CPEB3: variants seen among roughly 807,000 people sequenced by gnomAD.
CPEB3 encodes cytoplasmic polyadenylation element-binding protein 3.
Under a neutral mutation model 67.2 loss-of-function variants are expected in CPEB3, and 20 were observed. The observed-to-expected ratio is 0.30, with a 90% CI of 0.21 to 0.43. The LOEUF (loss-of-function observed/expected upper bound fraction) is 0.43. Among genes scored for constraint, CPEB3 ranks in the 20% least tolerant of loss-of-function variants. The probability of loss-of-function intolerance (pLI) is 1.00; values close to 1 mark genes in which losing one functional copy is unlikely to be tolerated. For synonymous variants in CPEB3, 376 were observed against 393.1 expected (o/e 0.96, Z 0.51); for missense variants, 746 against 968.6 (o/e 0.77, Z 3.05).
intron 7 of CPEB3, among the ~76,000 whole-genome samples, chr10:92,094,852 T>G (rs1367945394): frequency 1.3e-5 from 2 of 151,886 alleles, no homozygotes; most frequent in Non-Finnish European, 2.9e-5. Flanking sequence ...GAGATGTATC[T>G]TTTTCTACAC....
chr10:92,229,771 G>GC (rs1313862033), intron 2 of CPEB3, among the ~76,000 whole-genome samples: 1 of 152,226 alleles, frequency 6.6e-6, no homozygotes. Context: ...CGGGCCAGGC[G>GC]CAGTGGCTTA....
intron 2 of CPEB3, among the ~76,000 whole-genome samples, chr10:92,196,931 C>CA (rs111973111): frequency 0.033 from 4,147 of 124,844 alleles, 75 homozygotes; most frequent in African/African-American, 0.069. Context: ...GACCCCATCT[C>CA]AAAAAAAAAA....
intron 7 of CPEB3, among the ~76,000 whole-genome samples, chr10:92,092,548 G>A (rs1590116864): frequency 6.6e-6 from 1 of 152,196 alleles, no homozygotes; most frequent in Non-Finnish European, 1.5e-5. Context: ...GGGAGGCTGA[G>A]GCAGGTGGAT....
chr10:92,236,909 T>C (rs751331552), intron 2 of CPEB3, among the ~76,000 whole-genome samples: 17 of 152,162 alleles, frequency 1.1e-4, no homozygotes, highest in Non-Finnish European at 1.8e-4. Flanking sequence ...TTAGAGTAGA[T>C]CACTGCAGAA....
At chr10:92,196,660 C>T (rs1019436024) in intron 2 of CPEB3, among the ~76,000 whole-genome samples, 3 of 151,364 alleles carry the variant, frequency 2.0e-5, no homozygotes, top group Non-Finnish European at 4.4e-5. Flanking sequence ...CCCAACTACT[C>T]GGGAGGCTGA....
chr10:92,187,327 C>T (rs945258566), intron 3 of CPEB3, among the ~76,000 whole-genome samples: 1 of 152,190 alleles, frequency 6.6e-6, no homozygotes, highest in Non-Finnish European at 1.5e-5. Context: ...TCAACTGACA[C>T]CTGTTCTTTT....
chr10:92,203,762 C>T (rs1849650899), intron 2 of CPEB3, among the ~76,000 whole-genome samples: 1 of 151,950 alleles, frequency 6.6e-6, no homozygotes, highest in Non-Finnish European at 1.5e-5. Context: ...ACTTCAGCTG[C>T]TCCACTGACT....
chr10:92,250,858 A>ATTTTTTTTTTT (rs1211646953), intron 1 of CPEB3, among the ~76,000 whole-genome samples: 9 of 104,120 alleles, frequency 8.6e-5, no homozygotes, highest in Non-Finnish European at 1.1e-4. Context: ...CACACAGTTA[A>ATTTTTTTTTTT]TTTTTTTTTT....
chr10:92,171,039 G>A (rs1287146027), intron 4 of CPEB3, among the ~76,000 whole-genome samples: 1 of 152,310 alleles, frequency 6.6e-6, no homozygotes, highest in East Asian at 1.9e-4. Flanking sequence ...ATGGGTGCTG[G>A]TGTGTTCAGG....
intron 2 of CPEB3, among the ~76,000 whole-genome samples, chr10:92,214,359 C>T (rs759360913): frequency 2.0e-5 from 3 of 152,172 alleles, no homozygotes; most frequent in Non-Finnish European, 4.4e-5. Context: ...AGACATCAAA[C>T]CCACTGGCAA....
chr10:92,128,659 AT>A (rs2133690495), intron 6 of CPEB3, among the ~76,000 whole-genome samples: 1 of 152,340 alleles, frequency 6.6e-6, no homozygotes, highest in South Asian at 2.1e-4. Flanking sequence ...TAAGAAAAAA[AT>A]AAATAGTTTC....
At chr10:92,080,951 T>C (rs944099706) in intron 9 of CPEB3, among the ~76,000 whole-genome samples, 1 of 152,162 alleles carries the variant, frequency 6.6e-6, no homozygotes, top group Non-Finnish European at 1.5e-5. Context: ...CTCCTGAATG[T>C]TTAAATGTTA....
At chr10:92,175,483 G>C (rs1848184942) in intron 4 of CPEB3, among the ~76,000 whole-genome samples, 4 of 152,006 alleles carry the variant, frequency 2.6e-5, no homozygotes, top group Admixed American at 2.6e-4. Flanking sequence ...TCATATGATA[G>C]TTGTATGTTT....
intron 4 of CPEB3, among the ~76,000 whole-genome samples, chr10:92,161,704 G>A (rs193281635): frequency 2.0e-5 from 3 of 152,098 alleles, no homozygotes; most frequent in East Asian, 1.9e-4. Context: ...CACATGTATC[G>A]CCCAGGCTGG....
chr10:92,141,202 T>C (rs1423242173), intron 6 of CPEB3, among the ~76,000 whole-genome samples: 8 of 144,532 alleles, frequency 5.5e-5, no homozygotes, highest in Non-Finnish European at 9.0e-5. Context: ...TGCGGCACTA[T>C]TCACAATAGC....
chr10:92,262,041 T>C (rs939189053), intron 1 of CPEB3, among the ~76,000 whole-genome samples: 2 of 152,348 alleles, frequency 1.3e-5, no homozygotes, highest in Non-Finnish European at 2.9e-5. Flanking sequence ...TGAAGCAATA[T>C]CTATAGGTTT....
At chr10:92,118,652 A>C (rs975630799) in intron 6 of CPEB3, 21 of 620,710 alleles carry the variant, frequency 3.4e-5, no homozygotes, top group Admixed American at 2.0e-4. Flanking sequence ...TGTGGAACCC[A>C]AGATGGCTGC....
intron 6 of CPEB3, among the ~76,000 whole-genome samples, chr10:92,132,296 A>G (rs1051550243): frequency 3.3e-5 from 5 of 152,178 alleles, no homozygotes; most frequent in Non-Finnish European, 1.5e-5. Flanking sequence ...GCCTATAAAC[A>G]AAACTGGGGG....
intron 3 of CPEB3, among the ~76,000 whole-genome samples, chr10:92,186,386 T>C (rs2134126802): frequency 6.6e-6 from 1 of 151,554 alleles, no homozygotes; most frequent in Non-Finnish European, 1.5e-5. Flanking sequence ...CGAGACCCTG[T>C]CTCAAAATAA....
Sources: allele counts gnomAD v4.1 joint callset (sites outside exome capture counted in the v4.1 genomes callset), GRCh38; gene constraint gnomAD v4.1.1; transcripts MANE v1.5; gene names NCBI Gene and HGNC (gene_info 2026-07-23, HGNC 2026-07-21).